EMP2: variants seen among roughly 807,000 people sequenced by gnomAD.
The protein encoded by EMP2 is epithelial membrane protein 2.
A neutral mutation model predicts 13.7 loss-of-function variants in EMP2; 19 were observed. The ratio of observed to expected loss-of-function variants is 1.38; its 90% CI spans 0.97 to 2.03. The LOEUF (loss-of-function observed/expected upper bound fraction) is 2.03, where lower values mean the gene tolerates loss of function less well. Ranked by LOEUF, EMP2 falls within the 30% of genes most tolerant of loss-of-function variation. The pLI is 0.00. For synonymous variants in EMP2, 97 were observed against 84.7 expected, an observed-to-expected ratio of 1.15 and a Z score of -0.80; for missense variants, 253 against 220.7, an observed-to-expected ratio of 1.15 and a Z score of -0.93.
At chr16:10,537,769 C>CAA (rs2050660309) in intron 4 of EMP2, among the ~76,000 whole-genome samples, 159 bp downstream of exon 4, 1 of 151,774 alleles carries the variant, frequency 6.6e-6, no homozygotes, top group Admixed American at 6.6e-5. Flanking sequence ...CCCACACACA[C>CAA]ACACACACAC....
chr16:10,569,080 G>A (rs1452866372), intron 1 of EMP2, among the ~76,000 whole-genome samples: 1 of 151,984 alleles, frequency 6.6e-6, no homozygotes, highest in African/African-American at 2.4e-5. Flanking sequence ...GAGCCACCGC[G>A]CCCAGCTGTG....
chr16:10,547,409 C>A, intron 2 of EMP2, 131 bp downstream of exon 2: 1 of 987,374 alleles, frequency 1.0e-6, no homozygotes, highest in South Asian at 1.7e-5. Flanking sequence ...GTCCATTAGA[C>A]CTCATTTTCC....
chr16:10,541,794 C>A (rs2354414), intron 3 of EMP2, among the ~76,000 whole-genome samples: 1 of 151,928 alleles, frequency 6.6e-6, no homozygotes, highest in African/African-American at 2.4e-5. Context: ...CCTGGCTATG[C>A]GGCCTTGGGT....
At chr16:10,537,152 C>G (rs1239475996) in intron 4 of EMP2, among the ~76,000 whole-genome samples, 1 of 152,120 alleles carries the variant, frequency 6.6e-6, no homozygotes, top group Non-Finnish European at 1.5e-5. Context: ...TGGAAAGCAC[C>G]CTAGAAGGGA....
At chr16:10,557,679 T>A (rs1172143923) in intron 1 of EMP2, among the ~76,000 whole-genome samples, 1 of 152,166 alleles carries the variant, frequency 6.6e-6, no homozygotes, top group East Asian at 1.9e-4. Context: ...CAACCTTGAT[T>A]TGATGCATTG....
intron 1 of EMP2, among the ~76,000 whole-genome samples, chr16:10,555,821 G>C (rs138825129): frequency 6.6e-6 from 1 of 151,968 alleles, no homozygotes; most frequent in Non-Finnish European, 1.5e-5. Context: ...TCCCAATCTC[G>C]GGTGATCTGC....
chr16:10,579,713 C>CAT (rs1491502837), intron 1 of EMP2, among the ~76,000 whole-genome samples: 695 of 61,000 alleles, frequency 0.011, 10 homozygotes, highest in African/African-American at 0.032. Flanking sequence ...AAGGTGCACA[C>CAT]ACACACACAC....
intron 1 of EMP2, among the ~76,000 whole-genome samples, chr16:10,574,784 T>TCAC (rs1207310448): frequency 1.3e-5 from 2 of 151,824 alleles, no homozygotes; most frequent in Non-Finnish European, 2.9e-5. Flanking sequence ...TCTCCTGACC[T>TCAC]CACCATCCAC....
At chr16:10,543,763 C>G in intron 2 of EMP2, 103 bp from the exon 3 acceptor site, 1 of 1,066,300 alleles carries the variant, frequency 9.4e-7, no homozygotes, top group Non-Finnish European at 1.5e-6. Context: ...GATTCTCAAA[C>G]TGCAACACAT....
At chr16:10,542,051 T>A (rs1284718247) in intron 3 of EMP2, among the ~76,000 whole-genome samples, 1 of 152,144 alleles carries the variant, frequency 6.6e-6, no homozygotes, top group African/African-American at 2.4e-5. Context: ...ATTGTCAGAT[T>A]TGGCAAACAA....
rs764490312 is a variant in EMP2 at position 10,537,948 on chromosome 16, G to C, written c.296C>G (p.Ser99Cys). Residue 99 changes from serine (S) to cysteine (C), a missense_variant, in exon 4 of 5, where the codon TCC becomes TGC. Ser to Cys is a moderately radical substitution (Grantham distance 112). Coordinates refer to ENST00000359543, the MANE Select transcript of EMP2 (RefSeq NM_001424.6). ...CTTACATGACATTAGCTGGATGATG[G>C]AGGTTAGGACAAACCTCTCTCCCTG... Reference protein sequence around the residue: ...LKQGERFVLTSIIQLMSCLCV... With the variant: ...LKQGERFVLTCIIQLMSCLCV... 9.9e-6 allele frequency: 16 copies of C among 1,614,020 alleles called. No individual in the cohort carries two copies. Among genetic ancestry groups the C allele is most frequent in the Non-Finnish European group, 1.4e-5 (16 of 1,180,034 alleles).
chr16:10,565,904 A>C (rs567184513), intron 1 of EMP2, among the ~76,000 whole-genome samples: 3 of 152,204 alleles, frequency 2.0e-5, no homozygotes, highest in Non-Finnish European at 2.9e-5. Flanking sequence ...AGTGCTTCTG[A>C]TGATATTGCA....
intron 1 of EMP2, among the ~76,000 whole-genome samples, chr16:10,572,995 C>A (rs2050958211): frequency 6.6e-6 from 1 of 152,176 alleles, no homozygotes; most frequent in Non-Finnish European, 1.5e-5. Flanking sequence ...ATGAGAGAAA[C>A]AGAACCCTCA....
intron 1 of EMP2, among the ~76,000 whole-genome samples, chr16:10,563,054 A>C (rs1875933): frequency 0.17 from 26,552 of 152,142 alleles, 2,692 homozygotes; most frequent in Non-Finnish European, 0.23. Flanking sequence ...CAGGTGTCAA[A>C]TGCAGGGTGT....
rs1014397033 is a variant in EMP2, at chr16:10,533,042, T to C, written c.367A>G (p.Ile123Val). The C allele has an allele frequency of 3.7e-5, 60 of 1,611,280 alleles. No individual in the cohort carries two copies. Among genetic ancestry groups the C allele is most frequent in the Non-Finnish European group, 4.6e-5 (54 of 1,178,748 alleles). The change falls in exon 5 of 5, where the codon ATT becomes GTT. Residue 123 changes from isoleucine (I) to valine (V), a missense_variant. Coordinates refer to ENST00000359543, the MANE Select transcript of EMP2 (RefSeq NM_001424.6). ...TAGAATTTCGCGTTTTTGTCGTGAA[T>C]GTCTTCACGCCTGTCTGTATAAATG... ...ASIYTDRRED[I>V]HDKNAKFYPV...
At chr16:10,559,515 G>A (rs2050857187) in intron 1 of EMP2, among the ~76,000 whole-genome samples, 1 of 152,136 alleles carries the variant, frequency 6.6e-6, no homozygotes, top group Admixed American at 6.5e-5. Flanking sequence ...TGCAGCCCTG[G>A]GTCTTCCAAT....
At chr16:10,561,128 G>A (rs1405264217) in intron 1 of EMP2, among the ~76,000 whole-genome samples, 2 of 152,266 alleles carry the variant, frequency 1.3e-5, no homozygotes, top group African/African-American at 4.8e-5. Context: ...AGGGAGCCAA[G>A]AGAGCTTCCA....
At chr16:10,575,982 C>T (rs1334568527) in intron 1 of EMP2, among the ~76,000 whole-genome samples, 4 of 152,078 alleles carry the variant, frequency 2.6e-5, no homozygotes, top group South Asian at 4.1e-4. Context: ...CCCAGGCCCT[C>T]TTATAAAGCC....
intron 1 of EMP2, among the ~76,000 whole-genome samples, chr16:10,558,773 C>G (rs1271976873): frequency 6.6e-6 from 1 of 152,034 alleles, no homozygotes; most frequent in African/African-American, 2.4e-5. Flanking sequence ...GGCACATGCT[C>G]CTTTACGTGC....
Sources: allele counts gnomAD v4.1 joint callset (sites outside exome capture counted in the v4.1 genomes callset), GRCh38; gene constraint gnomAD v4.1.1; transcripts MANE v1.5; gene names NCBI Gene and HGNC (gene_info 2026-07-23, HGNC 2026-07-21).